VDAC1: variants seen among roughly 807,000 people sequenced by gnomAD.
VDAC1 encodes the protein non-selective voltage-gated ion channel VDAC1.
VDAC1 carries 10 observed loss-of-function variants against 34.7 expected under a neutral mutation model. The observed-to-expected ratio is 0.29, with a 90% CI of 0.18 to 0.49. VDAC1 has a LOEUF of 0.49. Among genes scored for constraint, VDAC1 ranks in the 20% least tolerant of loss-of-function variants. The pLI is 0.99. For missense variants in VDAC1, 230 were observed against 347.9 expected (o/e 0.66, Z 2.69); for synonymous variants, 130 against 136.0 (o/e 0.96, Z 0.30).
the VDAC1 span, among the ~76,000 whole-genome samples, chr5:134,030,598 T>C: frequency 3.4e-5 from 1 of 29,254 alleles, no homozygotes; most frequent in East Asian, 9.2e-4. Context: ...CTTTCTTTCT[T>C]TCTTTCTTTT....
chr5:134,036,739 G>A, the VDAC1 span, among the ~76,000 whole-genome samples: 3 of 151,676 alleles, frequency 2.0e-5, no homozygotes, highest in East Asian at 5.8e-4. Flanking sequence ...GGATCACGAG[G>A]TCAGGAGATC....
chr5:134,088,579 T>C, the VDAC1 span, among the ~76,000 whole-genome samples: 3 of 152,230 alleles, frequency 2.0e-5, no homozygotes, highest in Middle Eastern at 6.3e-3. Flanking sequence ...ATGCCTGTTT[T>C]TGTTTTCTTA....
the VDAC1 span, among the ~76,000 whole-genome samples, chr5:134,045,766 C>T: frequency 6.6e-6 from 1 of 151,956 alleles, no homozygotes; most frequent in Non-Finnish European, 1.5e-5. Context: ...ACCTCTGCCT[C>T]CTCTGCTTCC....
chr5:134,062,162 T>A, the VDAC1 span, among the ~76,000 whole-genome samples: 81 of 151,522 alleles, frequency 5.3e-4, 7 homozygotes, highest in Middle Eastern at 3.4e-3. Flanking sequence ...AATTTTGGTA[T>A]TTTTAGTAGA....
chr5:134,002,029 G>A (rs1580733676), intron 1 of VDAC1, among the ~76,000 whole-genome samples: 2 of 152,230 alleles, frequency 1.3e-5, no homozygotes, highest in African/African-American at 4.8e-5. Flanking sequence ...ACCAGGAGGG[G>A]CTGCCTCCAA....
the VDAC1 span, among the ~76,000 whole-genome samples, chr5:134,038,509 G>C: frequency 6.6e-6 from 1 of 152,082 alleles, no homozygotes; most frequent in African/African-American, 2.4e-5. Context: ...TCCTATCCAC[G>C]ACCCCCTCCC....
the VDAC1 span, among the ~76,000 whole-genome samples, chr5:134,113,659 G>A: frequency 6.6e-6 from 1 of 152,276 alleles, no homozygotes; most frequent in Non-Finnish European, 1.5e-5. Flanking sequence ...GTCTTTTGTA[G>A]ATGCAGGGGC....
chr5:134,073,877 T>C, the VDAC1 span, among the ~76,000 whole-genome samples: 1 of 152,026 alleles, frequency 6.6e-6, no homozygotes. Context: ...ACAATGAAAA[T>C]GCATTTAAAA....
chr5:133,983,708 C>T (rs1387908823), intron 5 of VDAC1, among the ~76,000 whole-genome samples: 3 of 152,184 alleles, frequency 2.0e-5, no homozygotes, highest in South Asian at 4.1e-4. Context: ...ACCACTGATA[C>T]AGTTTCGATG....
chr5:134,026,740 T>C, the VDAC1 span, among the ~76,000 whole-genome samples: 7 of 151,952 alleles, frequency 4.6e-5, no homozygotes, highest in Non-Finnish European at 7.4e-5. Flanking sequence ...ATGGGTGCAC[T>C]CCCACCTACT....
intron 1 of VDAC1, among the ~76,000 whole-genome samples, chr5:133,994,925 C>G (rs1753239757): frequency 6.6e-6 from 1 of 152,116 alleles, no homozygotes; most frequent in South Asian, 2.1e-4. Flanking sequence ...GAGCCAGAGC[C>G]TTCCCCACGA....
chr5:133,998,325 T>C (rs770180234), intron 1 of VDAC1, among the ~76,000 whole-genome samples: 12 of 152,128 alleles, frequency 7.9e-5, no homozygotes, highest in Admixed American at 2.0e-4. Context: ...TTCTGCTTCA[T>C]TATTTAAGCT....
chr5:134,054,458 C>CTTTTTTTTTTTTTTTTTT, the VDAC1 span, among the ~76,000 whole-genome samples: 4 of 123,544 alleles, frequency 3.2e-5, no homozygotes, highest in Non-Finnish European at 4.8e-5. Flanking sequence ...TCCTTCCTTC[C>CTTTTTTTTTTTTTTTTTT]TTTTTTTTTT....
At chr5:134,109,424 G>C in the VDAC1 span, among the ~76,000 whole-genome samples, 2 of 152,140 alleles carry the variant, frequency 1.3e-5, no homozygotes, top group Non-Finnish European at 2.9e-5. Flanking sequence ...GACGCCGCTT[G>C]TCTCTCACCT....
At chr5:133,997,103 A>T (rs1753344903) in intron 1 of VDAC1, among the ~76,000 whole-genome samples, 1 of 152,136 alleles carries the variant, frequency 6.6e-6, no homozygotes, top group Admixed American at 6.6e-5. Context: ...AAAAACGTAA[A>T]TAATATCCAG....
At chr5:134,106,730 C>T in the VDAC1 span, among the ~76,000 whole-genome samples, 2 of 152,060 alleles carry the variant, frequency 1.3e-5, no homozygotes, top group Non-Finnish European at 2.9e-5. Context: ...ACAGATGATA[C>T]CAAAGAGGGT....
At chr5:134,000,835 A>C (rs1262313194) in intron 1 of VDAC1, among the ~76,000 whole-genome samples, 1 of 152,194 alleles carries the variant, frequency 6.6e-6, no homozygotes, top group Non-Finnish European at 1.5e-5. Context: ...TTGTATATTT[A>C]TTATAATAAT....
At chr5:134,081,663 A>T in the VDAC1 span, among the ~76,000 whole-genome samples, 3,763 of 152,318 alleles carry the variant, frequency 0.025, 52 homozygotes, top group Non-Finnish European at 0.032. Flanking sequence ...TTTACTAATC[A>T]AGCACCATAA....
chr5:134,072,120 G>T, the VDAC1 span, among the ~76,000 whole-genome samples: 1 of 152,096 alleles, frequency 6.6e-6, no homozygotes, highest in African/African-American at 2.4e-5. Flanking sequence ...GAATGCAAAG[G>T]CTAGTCCATC....
Sources: gnomAD v4.1 joint callset for allele counts (sites outside exome capture counted in the v4.1 genomes callset) on GRCh38, gnomAD v4.1.1 for gene constraint, MANE v1.5 for transcripts, NCBI Gene and HGNC (gene_info 2026-07-23, HGNC 2026-07-21) for gene names.